NRP1: variants seen among roughly 807,000 people sequenced by gnomAD.
NRP1 encodes the protein neuropilin-1.
Under a neutral mutation model 106.7 loss-of-function variants are expected in NRP1, and 35 were observed. The observed-to-expected ratio is 0.33, with a 90% CI of 0.25 to 0.43. The LOEUF is 0.43. Among genes scored for constraint, NRP1 ranks in the 20% least tolerant of loss-of-function variants. NRP1 has a pLI of 1.00. For synonymous variants in NRP1, 437 were observed against 417.9 expected (o/e 1.05, Z -0.56); for missense variants, 1,024 against 1,170.4 (o/e 0.87, Z 1.83).
intron 12 of NRP1, among the ~76,000 whole-genome samples, chr10:33,193,535 G>A (rs901875689): frequency 6.6e-6 from 1 of 152,172 alleles, no homozygotes; most frequent in African/African-American, 2.4e-5. Flanking sequence ...CGAGGTGGCA[G>A]CATTGAAACA....
At chr10:33,298,290 G>A (rs1433788330) in intron 2 of NRP1, among the ~76,000 whole-genome samples, 1 of 152,080 alleles carries the variant, frequency 6.6e-6, no homozygotes, top group African/African-American at 2.4e-5. Flanking sequence ...TTACTGCCAG[G>A]GCGTAGAGAG....
At chr10:33,323,201 C>T (rs565903909) in intron 2 of NRP1, among the ~76,000 whole-genome samples, 1 of 151,616 alleles carries the variant, frequency 6.6e-6, no homozygotes, top group Non-Finnish European at 1.5e-5. Flanking sequence ...GAAGCCCCCC[C>T]ATCCTTCTGT....
chr10:33,240,634 T>C (rs1840938291), intron 6 of NRP1, among the ~76,000 whole-genome samples: 2 of 152,184 alleles, frequency 1.3e-5, no homozygotes, highest in African/African-American at 4.8e-5. Flanking sequence ...TTCCCAGTGA[T>C]CTAGGTGGGC....
chr10:33,216,105 A>G (rs1232715477), intron 8 of NRP1, among the ~76,000 whole-genome samples: 1 of 149,760 alleles, frequency 6.7e-6, no homozygotes, highest in African/African-American at 2.5e-5. Flanking sequence ...GCCTCTTCAC[A>G]CCATTTTATC....
At position 33,186,305 on chromosome 10, in the gene NRP1, T is replaced by C; in HGVS notation, c.2246A>G (p.Asp749Gly). The change falls in exon 14 of 17, where the codon GAT (aspartate) becomes GGT (glycine). Residue 749 changes from aspartate to glycine, a missense_variant. By Grantham distance (94) the Asp-to-Gly change is moderately conservative. This residue lies in a region of NRP1 where 562 missense variants were observed against 620.3 expected (regional missense o/e 0.91). Transcript: ENST00000374867. Reference sequence around the variant, plus strand: ...TCCAATGGCCATCCAGACCAGCTGATCGTACTCCTCTGGCTTCTGGTAGCG... The same window carrying C: ...TCCAATGGCCATCCAGACCAGCTGACCGTACTCCTCTGGCTTCTGGTAGCG... ...KLRYQKPEEY[D>G]QLVWMAIGHQ... 4.3e-6 allele frequency: 7 copies of C among 1,614,146 alleles called. No individual in the cohort carries two copies. The highest frequency in any genetic ancestry group is 5.9e-6 in the Non-Finnish European group (7 of 1,180,024).
At chr10:33,180,858 T>C (rs549836756) in intron 16 of NRP1, among the ~76,000 whole-genome samples, 2 of 152,314 alleles carry the variant, frequency 1.3e-5, no homozygotes, top group East Asian at 3.9e-4. Flanking sequence ...TGTTCTCCCA[T>C]ATGGAAAATC....
At chr10:33,222,860 T>C (rs909190282) in intron 7 of NRP1, among the ~76,000 whole-genome samples, 3 of 152,196 alleles carry the variant, frequency 2.0e-5, no homozygotes, top group Admixed American at 2.0e-4. Flanking sequence ...TGACTGCAAA[T>C]GTAATGCATG....
At chr10:33,192,201 T>C (rs1836464407) in intron 13 of NRP1, 80 bp downstream of exon 13, 2 of 1,499,544 alleles carry the variant, frequency 1.3e-6, no homozygotes, top group Admixed American at 2.0e-5. Flanking sequence ...TTCACAGACA[T>C]TAGAAACCCT....
At chr10:33,270,618 C>T (rs1843238998) in intron 3 of NRP1, 57 bp downstream of exon 3, 2 of 1,468,576 alleles carry the variant, frequency 1.4e-6, no homozygotes, top group Non-Finnish European at 1.8e-6. Flanking sequence ...TGAGCCACCA[C>T]ACTCGGCCTA....
intron 2 of NRP1, among the ~76,000 whole-genome samples, chr10:33,298,350 C>T (rs1845560876): frequency 6.6e-6 from 1 of 152,130 alleles, no homozygotes; most frequent in South Asian, 2.1e-4. Context: ...ACAGCTCTCA[C>T]CCTCCTGTTC....
intron 2 of NRP1, among the ~76,000 whole-genome samples, chr10:33,315,274 G>A (rs1284450470): frequency 6.6e-6 from 1 of 152,182 alleles, no homozygotes; most frequent in African/African-American, 2.4e-5. Flanking sequence ...TTTTTAGGGG[G>A]AATATGTAAG....
chr10:33,224,548 C>CTTT lies in NRP1; in HGVS notation c.1137+1583_1137+1585dup, dbSNP rs34104704. Among the ~76,000 whole-genome samples the CTTT allele has an allele frequency of 7.3e-3, 1,041 of 143,172 alleles. 10 individuals are homozygous for CTTT. The highest frequency in any genetic ancestry group is 0.013 in the Non-Finnish European group (860 of 65,602). The allele number at this position is 143,172 out of a possible 152,430, so 93.9% of individuals were successfully genotyped here. ...TTTCACCTCATGGTTCCATTTTGTTCTTTTTTTTTTTTTTCTTCAACCTTT... is the reference window on the plus strand; with the variant it reads ...TTTCACCTCATGGTTCCATTTTGTTCTTTTTTTTTTTTTTTTTCTTCAACCTTT... On this transcript the variant is annotated intron_variant, in intron 7 of 16. Transcript: ENST00000374867.
intron 2 of NRP1, among the ~76,000 whole-genome samples, chr10:33,319,591 T>G (rs1564486374): frequency 2.8e-5 from 4 of 145,132 alleles, no homozygotes; most frequent in Non-Finnish European, 1.5e-5. Context: ...TTTCTTTCTT[T>G]TTTTTTTTTT....
chr10:33,248,077 C>T (rs1841557134), intron 6 of NRP1, among the ~76,000 whole-genome samples: 1 of 152,122 alleles, frequency 6.6e-6, no homozygotes, highest in Admixed American at 6.5e-5. Context: ...CACTTGAGGC[C>T]ATGAGTTCAA....
chr10:33,234,191 T>C (rs1322945424), intron 6 of NRP1, among the ~76,000 whole-genome samples: 1 of 152,180 alleles, frequency 6.6e-6, no homozygotes, highest in Non-Finnish European at 1.5e-5. Context: ...TAAATTTATG[T>C]ACAGTGTCTC....
At chr10:33,190,112 A>G (rs1836306409) in intron 13 of NRP1, among the ~76,000 whole-genome samples, 2 of 152,186 alleles carry the variant, frequency 1.3e-5, no homozygotes, top group African/African-American at 4.8e-5. Flanking sequence ...CACATAAAGC[A>G]CTGATATTTT....
At position 33,192,262 on chromosome 10, in the gene NRP1, G is replaced by A. The variant is rs371492547; in HGVS notation, c.2062+19C>T. The A allele has an allele frequency of 2.6e-5, 41 of 1,605,294 alleles. No homozygotes were observed. Among genetic ancestry groups the A allele is most frequent in the South Asian group, 8.9e-5 (8 of 89,782 alleles). ...AGAGAATCTGCAAAGCCATGCAGCC[G>A]AAGTGAACTCTGTGATACCTGTGTG... On this transcript the variant is annotated intron_variant, in intron 13 of 16. Coordinates refer to ENST00000374867, the MANE Select transcript of NRP1 (RefSeq NM_003873.7).
intron 2 of NRP1, among the ~76,000 whole-genome samples, chr10:33,295,373 G>C (rs1033581232): frequency 6.6e-6 from 1 of 152,224 alleles, no homozygotes; most frequent in African/African-American, 2.4e-5. Flanking sequence ...TTCGTGGTCA[G>C]TCTAGACATA....
intron 13 of NRP1, among the ~76,000 whole-genome samples, chr10:33,187,842 C>T (rs954453412): frequency 4.6e-5 from 7 of 152,202 alleles, no homozygotes; most frequent in Non-Finnish European, 8.8e-5. Context: ...TTGCCTGTGT[C>T]AACAGTGTCC....
Sources: allele counts gnomAD v4.1 joint callset (sites outside exome capture counted in the v4.1 genomes callset), GRCh38; gene constraint gnomAD v4.1.1; regional missense constraint gnomAD v4.1.1; transcripts MANE v1.5; gene names NCBI Gene and HGNC (gene_info 2026-07-23, HGNC 2026-07-21).